Variants in MYCBP2 observed in about 807,000 individuals in gnomAD.
The protein encoded by MYCBP2 is MYC binding protein 2.
A neutral mutation model predicts 525.3 loss-of-function variants in MYCBP2; 120 were observed. The ratio of observed to expected loss-of-function variants is 0.23; its 90% CI spans 0.20 to 0.27. The LOEUF (loss-of-function observed/expected upper bound fraction) is 0.27, where lower values mean the gene tolerates loss of function less well. MYCBP2 is among the 10% of genes least tolerant of loss of function. The pLI, the probability that MYCBP2 is intolerant of heterozygous loss-of-function variation, is 1.00. For missense variants in MYCBP2, 4,149 were observed against 5,657.1 expected (o/e 0.73, Z 8.55); for synonymous variants, 1,894 against 1,955.8 (o/e 0.97, Z 0.83).
At chr13:77,299,354 A>G (rs541667165) in intron 1 of MYCBP2, among the ~76,000 whole-genome samples, 3 of 152,338 alleles carry the variant, frequency 2.0e-5, no homozygotes, top group African/African-American at 7.2e-5. Flanking sequence ...AACAATTCTT[A>G]TGAATCTGAA....
At chr13:77,273,728 A>G (rs1260902238) in intron 4 of MYCBP2, 60 bp from the exon 5 acceptor site, 25 of 1,215,696 alleles carry the variant, frequency 2.1e-5, no homozygotes, top group African/African-American at 3.1e-5. Flanking sequence ...ATATGCGTAT[A>G]TTTATTTATT....
intron 26 of MYCBP2, among the ~76,000 whole-genome samples, chr13:77,204,041 C>G (rs1262623585): frequency 1.3e-5 from 2 of 151,180 alleles, no homozygotes; most frequent in Non-Finnish European, 3.0e-5. Context: ...ACAAAATTGA[C>G]AAATGGGATC....
At chr13:77,063,443 G>T (rs1232732816) in intron 73 of MYCBP2, among the ~76,000 whole-genome samples, 1 of 151,116 alleles carries the variant, frequency 6.6e-6, no homozygotes, top group South Asian at 2.1e-4. Context: ...CCTGTAATCC[G>T]AGCTACTTGG....
intron 17 of MYCBP2, among the ~76,000 whole-genome samples, chr13:77,240,937 A>G (rs911131091): frequency 1.3e-5 from 2 of 152,140 alleles, no homozygotes; most frequent in African/African-American, 4.8e-5. Flanking sequence ...GACAAGATAA[A>G]ATTTATGTAC....
chr13:77,259,211 G>A (rs1198099908), intron 13 of MYCBP2, among the ~76,000 whole-genome samples: 7 of 152,098 alleles, frequency 4.6e-5, no homozygotes, highest in Non-Finnish European at 1.0e-4. Flanking sequence ...GTTGCAGTAA[G>A]CTGAGATTGT....
At chr13:77,221,609 C>G (rs1486014507) in intron 20 of MYCBP2, among the ~76,000 whole-genome samples, 1 of 152,168 alleles carries the variant, frequency 6.6e-6, no homozygotes, top group East Asian at 1.9e-4. Flanking sequence ...TTGCTGCATA[C>G]ATGACTGAGA....
chr13:77,294,408 G>C (rs2077952359), intron 2 of MYCBP2, among the ~76,000 whole-genome samples: 1 of 151,840 alleles, frequency 6.6e-6, no homozygotes, highest in South Asian at 2.1e-4. Flanking sequence ...ATAAATGAAT[G>C]AACTTACTTA....
rs915659206 is a variant in MYCBP2, at chr13:77,326,350, G to A, written c.302+124C>T. 1.0e-6 allele frequency: 1 copy of A among 957,578 alleles called. No individual in the cohort carries two copies. The highest frequency in any genetic ancestry group is 1.5e-6 in the Non-Finnish European group (1 of 679,872). 59.3% of individuals were successfully genotyped at this position (957,578 alleles called of 1,614,324 possible). Reference sequence around the variant, plus strand: ...CTCCTGCCAACAGACATCCAGAGCGGACTGAAAGCTCAATAAATGCGCAGG... The same window carrying A: ...CTCCTGCCAACAGACATCCAGAGCGAACTGAAAGCTCAATAAATGCGCAGG... On this transcript the variant is annotated intron_variant, in intron 1 of 82. Transcript: ENST00000544440. This position sits in a 1 kb window ranked among gnomAD's most constrained non-coding sequence, Gnocchi z 4.2.
Position 77,095,487 on chromosome 13 carries a change from G to C in MYCBP2, c.10070C>G (p.Ala3357Gly). Residue 3357 changes from alanine to glycine, a missense_variant, in exon 58 of 83, where the codon GCA becomes GGA. Ala to Gly is a moderately conservative substitution (Grantham distance 60). Transcript: ENST00000544440. Reference sequence around the variant, plus strand: ...GTAACACAGAATGCTCGGTTCTGCTGCACTGCTCAGGGACAGCAGGAAGAG... The same window carrying C: ...GTAACACAGAATGCTCGGTTCTGCTCCACTGCTCAGGGACAGCAGGAAGAG... ...NALFLLSLSSAAEPSILCYHP... is the reference protein window; with the variant it reads ...NALFLLSLSSGAEPSILCYHP... 6.2e-7 allele frequency: 1 copy of C among 1,613,592 alleles called. No individual in the cohort carries two copies. Among genetic ancestry groups the C allele is most frequent in the Non-Finnish European group, 8.5e-7 (1 of 1,179,736 alleles).
chr13:77,244,189 TAC>T (rs2069448551), intron 15 of MYCBP2, among the ~76,000 whole-genome samples: 1 of 152,192 alleles, frequency 6.6e-6, no homozygotes, highest in Non-Finnish European at 1.5e-5. Context: ...CTACAGAAAA[TAC>T]ACACAGATTC....
Position 77,098,386 on chromosome 13 carries a change from AC to A in MYCBP2, c.8767del (p.Val2923TrpfsTer19). On this transcript the variant is annotated frameshift_variant, in exon 56 of 83. Transcript: ENST00000544440. LOFTEE classifies it high-confidence loss of function. The part of the protein sequence containing the change: ...GSENRAPSPH[V>X]VQENLHSEVV... ...CTCACTGTGGAGGTTTTCCTGTACC[AC>A]ATGGGGAGAGGGAGCTCTATTTTCA... is the stretch of plus-strand genomic sequence containing the variant. The A allele has an allele frequency of 6.2e-7, 1 of 1,613,476 alleles. No individual in the cohort carries two copies. Among genetic ancestry groups the A allele is most frequent in the Non-Finnish European group, 8.5e-7 (1 of 1,179,794 alleles).
chr13:77,263,213 A>G (rs1430650180), intron 10 of MYCBP2, among the ~76,000 whole-genome samples: 1 of 152,076 alleles, frequency 6.6e-6, no homozygotes, highest in Non-Finnish European at 1.5e-5. Context: ...TTCTATAGTT[A>G]CCTTGAAAAT....
chr13:77,115,072 T>C (rs2049485271), intron 55 of MYCBP2, among the ~76,000 whole-genome samples: 1 of 151,948 alleles, frequency 6.6e-6, no homozygotes, highest in Admixed American at 6.6e-5. Context: ...TCTTTGAAGA[T>C]GTTCTCTGAG....
Position 77,257,673 on chromosome 13 carries a change from T to G in MYCBP2, c.2174A>C (p.Lys725Thr). 1.3e-6 allele frequency: 2 copies of G among 1,563,300 alleles called. No homozygotes were observed. The highest frequency in any genetic ancestry group is 1.7e-6 in the Non-Finnish European group (2 of 1,160,658). ...RDTGAMNQGG[K>T]GFGVENMATA... The stretch of plus-strand genomic sequence containing the variant: ...ATATCTAAGAATTAAAGACCTACCT[T>G]TCCCACCTTGGTTCATGGCACCAGT... Residue 725 changes from lysine to threonine, a missense_variant and splice_region_variant, in exon 14 of 83, where the codon AAA becomes ACA. Around this residue, in one of 21 missense-constraint regions of MYCBP2, gnomAD observed 620 missense variants for 795.5 expected, o/e 0.78. Transcript: ENST00000544440.
intron 14 of MYCBP2, among the ~76,000 whole-genome samples, chr13:77,253,111 T>C (rs1038409062): frequency 6.6e-6 from 1 of 151,780 alleles, no homozygotes; most frequent in African/African-American, 2.4e-5. Context: ...AAACCACAGG[T>C]TAGTCAAAGA....
intron 30 of MYCBP2, among the ~76,000 whole-genome samples, chr13:77,186,745 CT>C (rs2060760023): frequency 6.6e-6 from 1 of 151,348 alleles, no homozygotes; most frequent in African/African-American, 2.4e-5. Flanking sequence ...AAGCAGAGCA[CT>C]TACTGCCCCA....
chr13:77,246,747 A>T (rs1267671625), intron 15 of MYCBP2, among the ~76,000 whole-genome samples: 1 of 152,054 alleles, frequency 6.6e-6, no homozygotes, highest in Non-Finnish European at 1.5e-5. Flanking sequence ...TACTAACAAA[A>T]CAAATTCAGC....
At chr13:77,254,132 A>G (rs1393274312) in intron 14 of MYCBP2, among the ~76,000 whole-genome samples, 2 of 151,988 alleles carry the variant, frequency 1.3e-5, no homozygotes, top group East Asian at 3.8e-4. Context: ...ATTTGTAGAA[A>G]AATGTAAATA....
intron 62 of MYCBP2, among the ~76,000 whole-genome samples, chr13:77,085,871 T>C (rs2044169259): frequency 6.6e-6 from 1 of 152,090 alleles, no homozygotes; most frequent in Non-Finnish European, 1.5e-5. Context: ...TAAACAACTG[T>C]TTTAGTCCAG....
Sources: allele counts gnomAD v4.1 joint callset (sites outside exome capture counted in the v4.1 genomes callset), GRCh38; gene constraint gnomAD v4.1.1; regional missense constraint gnomAD v4.1.1; non-coding constraint Gnocchi (gnomAD v3.1); transcripts MANE v1.5; gene names NCBI Gene and HGNC (gene_info 2026-07-23, HGNC 2026-07-21).